C1orf159: variants seen among roughly 807,000 people sequenced by gnomAD.
C1orf159 encodes uncharacterized protein C1orf159.
A neutral mutation model predicts 25.6 loss-of-function variants in C1orf159; 19 were observed. The observed-to-expected ratio is 0.74, with a 90% CI of 0.52 to 1.09. The LOEUF is 1.09. Ranked by LOEUF, C1orf159 falls within the 50% of genes least tolerant of loss-of-function variation. C1orf159 has a pLI of 0.00. For synonymous variants in C1orf159, 139 were observed against 124.7 expected, an observed-to-expected ratio of 1.12 and a Z score of -0.77; for missense variants, 274 against 290.6, an observed-to-expected ratio of 0.94 and a Z score of 0.42.
rs541538793 is a variant in C1orf159, at chr1:1,106,377, G to A, written c.-136+9683C>T. Among the ~76,000 whole-genome samples the A allele has an allele frequency of 4.7e-4, 72 of 152,324 alleles. 3 individuals are homozygous for A. The South Asian group carries it at 8.1e-3, about 17-fold the overall frequency. On this transcript the variant is annotated intron_variant, in intron 1 of 9. Transcript: ENST00000421241. ...AAAACAGAAATAAATGTTGGCAAAC[G>A]CATGTGGAGAGAATGGAACCCTTGT...
intron 3 of C1orf159, 54 bp from the exon 4 acceptor site, chr1:1,090,482 G>A (rs755400332): frequency 2.1e-5 from 32 of 1,521,562 alleles, no homozygotes; most frequent in East Asian, 7.4e-5. Context: ...GCAGGCTCAC[G>A]CCCAGAGCAG....
intron 1 of C1orf159, among the ~76,000 whole-genome samples, chr1:1,096,031 G>A (rs536094249): frequency 1.3e-5 from 2 of 152,172 alleles, no homozygotes; most frequent in Non-Finnish European, 2.9e-5. Flanking sequence ...ACTTGGCCGA[G>A]GTGTACTGCC....
At chr1:1,088,164 C>T (rs1180554659) in intron 4 of C1orf159, among the ~76,000 whole-genome samples, 1 of 103,362 alleles carries the variant, frequency 9.7e-6, no homozygotes, top group Non-Finnish European at 2.0e-5. Context: ...ACCCCCCCCA[C>T]GCCTCTCCTA....
chr1:1,084,533 C>T, intron 7 of C1orf159, 27 bp from the exon 8 acceptor site: 1 of 1,550,116 alleles, frequency 6.5e-7, no homozygotes, highest in Non-Finnish European at 8.7e-7. Context: ...GGAGAGTCAC[C>T]CTGGAGCCCA....
At chr1:1,102,883 G>A (rs1351767628) in intron 1 of C1orf159, among the ~76,000 whole-genome samples, 2 of 151,794 alleles carry the variant, frequency 1.3e-5, no homozygotes, top group African/African-American at 4.8e-5. Context: ...AGGCTGGAGT[G>A]CAGTGGCATG....
chr1:1,092,819 G>A (rs1645960838), intron 1 of C1orf159: 1 of 152,332 alleles, frequency 6.6e-6, no homozygotes, highest in Non-Finnish European at 1.5e-5. Flanking sequence ...GACTCTGGAA[G>A]GTGGGGGTGG....
rs756903442 is a variant in C1orf159 at position 1,082,829 on chromosome 1, C to T, written c.*64G>A. On this transcript the variant is annotated 3_prime_UTR_variant, in exon 10 of 10. Coordinates refer to ENST00000421241, the MANE Select transcript of C1orf159 (RefSeq NM_017891.5). ...GCGATGCCAACACTTTGTGCTGGTT[C>T]CCGCCAAGGGGTCGGCCTCCGGGTC... The T allele has an allele frequency of 5.6e-6, 8 of 1,418,324 alleles. No individual in the cohort carries two copies. The highest frequency in any genetic ancestry group is 6.8e-6 in the Non-Finnish European group (7 of 1,026,732). The allele number at this position is 1,418,324 out of a possible 1,614,324, so 87.9% of individuals were successfully genotyped here. A position where few individuals can be genotyped will look rare whatever the true frequency, so the allele number is the denominator to read the frequency against.
chr1:1,090,743 T>C, intron 3 of C1orf159: 1 of 836,128 alleles, frequency 1.2e-6, no homozygotes, highest in Admixed American at 2.0e-5. Flanking sequence ...TCTGCAAGTC[T>C]CCGGAGGCTC....
intron 1 of C1orf159, among the ~76,000 whole-genome samples, chr1:1,097,893 C>CT (rs895171838): frequency 6.6e-6 from 1 of 151,870 alleles, no homozygotes; most frequent in African/African-American, 2.4e-5. Context: ...TGGCTTTGTT[C>CT]TTTTTTCCCT....
Position 1,091,508 on chromosome 1 carries a change from A to G in C1orf159, c.36T>C (p.Leu12=), listed in dbSNP as rs1258756214. 2.6e-6 allele frequency: 4 copies of G among 1,549,982 alleles called. No homozygotes were observed. Among genetic ancestry groups the G allele is most frequent in the Admixed American group, 2.0e-5 (1 of 50,974 alleles). ...TGGACTTGCTGGCGACTCCCACGAG[A>G]AGGCCAGCCAGGAGGGCGAGGTGCC... is the stretch of plus-strand genomic sequence containing the variant. The part of the protein sequence containing the change: ...ALRHLALLAG[L]LVGVASKSME... The change falls in exon 3 of 10, where the codon CTT becomes CTC. Residue 12 remains leucine, a synonymous_variant. Coordinates refer to ENST00000421241, the MANE Select transcript of C1orf159 (RefSeq NM_017891.5).
chr1:1,109,126 G>C (rs1646223518), intron 1 of C1orf159, among the ~76,000 whole-genome samples: 2 of 90,984 alleles, frequency 2.2e-5, no homozygotes, highest in African/African-American at 1.7e-4. Flanking sequence ...CAAAAGGTGG[G>C]AGCAAGTGTC....
chr1:1,083,785 G>A (rs1393995200), intron 9 of C1orf159: 4 of 822,458 alleles, frequency 4.9e-6, no homozygotes, highest in Admixed American at 2.6e-5. Flanking sequence ...ACGGTCACCT[G>A]CCCCCATGAC....
In C1orf159 at chr1:1,110,318, C is replaced by T. The variant is rs896581659; in HGVS notation, c.-136+5742G>A. On this transcript the variant is annotated intron_variant, in intron 1 of 9. Transcript: ENST00000421241. This position sits in a 1 kb window ranked among gnomAD's most constrained non-coding sequence, Gnocchi z 4.8. ...TTGACCAAGAGGGAGCTCGTTCAGT[C>T]GGCGGGGGACTTAGGATTTTATTCT... 5.3e-5 allele frequency among the ~76,000 whole-genome samples: 8 copies of T among 152,122 alleles called. No homozygotes were observed. Among genetic ancestry groups the T allele is most frequent in the African/African-American group, 9.7e-5 (4 of 41,414 alleles).
intron 6 of C1orf159, 117 bp from the exon 7 acceptor site, chr1:1,086,129 C>G: frequency 7.7e-7 from 1 of 1,291,434 alleles, no homozygotes; most frequent in Non-Finnish European, 1.1e-6. Flanking sequence ...CTGAGCCTCA[C>G]GGGACCGGCT....
rs1197684585 is a variant in C1orf159 at position 1,089,977 on chromosome 1, C to T, written c.148+376G>A. On this transcript the variant is annotated intron_variant, in intron 4 of 9. Coordinates refer to ENST00000421241, the MANE Select transcript of C1orf159 (RefSeq NM_017891.5). This position sits in a 1 kb window ranked among gnomAD's most constrained non-coding sequence, Gnocchi z 7.5. Reference sequence around the variant, plus strand: ...GCACCAGGGGCCAGCAGCACCTCTGCCCGAGCACGGACAGGCAAAAATGTC... The same window carrying T: ...GCACCAGGGGCCAGCAGCACCTCTGTCCGAGCACGGACAGGCAAAAATGTC... Among the ~76,000 whole-genome samples the T allele has an allele frequency of 6.6e-6, 1 of 152,222 alleles. No homozygotes were observed. Among genetic ancestry groups the T allele is most frequent in the Non-Finnish European group, 1.5e-5 (1 of 68,026 alleles).
In C1orf159 at chr1:1,110,910, C is replaced by T. The variant is rs1646248656; in HGVS notation, c.-136+5150G>A. Among the ~76,000 whole-genome samples, 1 of 152,240 alleles carries T rather than the reference C, an allele frequency of 6.6e-6. No homozygotes were observed. Among genetic ancestry groups the T allele is most frequent in the Non-Finnish European group, 1.5e-5 (1 of 68,038 alleles). On this transcript the variant is annotated intron_variant, in intron 1 of 9. Transcript: ENST00000421241. This position sits in a 1 kb window ranked among gnomAD's most constrained non-coding sequence, Gnocchi z 4.8. ...CTAACACTCAGAGTGTCGGTAAAAT[C>T]ACAGCAGCGCTCCTGTCTGGCGCGG...
intron 1 of C1orf159, among the ~76,000 whole-genome samples, chr1:1,111,768 GC>G (rs1646260001): frequency 6.6e-6 from 1 of 152,170 alleles, no homozygotes; most frequent in South Asian, 2.1e-4. Flanking sequence ...GGTAAACACA[GC>G]CCCGAGGGCT....
intron 9 of C1orf159, chr1:1,083,928 G>A: frequency 6.3e-7 from 1 of 1,589,426 alleles, no homozygotes; most frequent in Non-Finnish European, 8.6e-7. Flanking sequence ...GCTGACTCTT[G>A]GGTCCGCCTG....
intron 1 of C1orf159, among the ~76,000 whole-genome samples, chr1:1,107,674 C>G (rs1646192568): frequency 6.6e-6 from 1 of 152,204 alleles, no homozygotes. Flanking sequence ...GGCCAATCAA[C>G]AGGATGTGGG....
Sources: allele counts gnomAD v4.1 joint callset (sites outside exome capture counted in the v4.1 genomes callset), GRCh38; gene constraint gnomAD v4.1.1; non-coding constraint Gnocchi (gnomAD v3.1); transcripts MANE v1.5; gene names NCBI Gene and HGNC (gene_info 2026-07-23, HGNC 2026-07-21).